Variants in ERCC6L observed in about 807,000 individuals in gnomAD.
ERCC6L encodes ERCC excision repair 6 like, spindle assembly checkpoint helicase.
ERCC6L carries 7 observed loss-of-function variants against 20.1 expected under a neutral mutation model. The ratio of observed to expected loss-of-function variants is 0.35; its 90% CI spans 0.20 to 0.65. The LOEUF (loss-of-function observed/expected upper bound fraction) is 0.65. Ranked by LOEUF, ERCC6L falls within the 30% of genes least tolerant of loss-of-function variation. The probability of loss-of-function intolerance (pLI) is 0.69; values close to 1 mark genes in which losing one functional copy is unlikely to be tolerated. For missense variants in ERCC6L, 592 were observed against 892.4 expected (o/e 0.66, Z 4.29); for synonymous variants, 278 against 331.3 (o/e 0.84, Z 1.75).
At chrX:72,219,671 A>C (rs1036569266) in intron 1 of ERCC6L, among the ~76,000 whole-genome samples, 3 of 108,561 alleles carry the variant, frequency 2.8e-5, no homozygotes, top group Non-Finnish European at 3.8e-5. Context: ...AACATGAAGA[A>C]GCCCCGCCTC....
Position 72,238,887 on chromosome X carries a change from C to T in ERCC6L, c.25G>A (p.Glu9Lys), listed in dbSNP as rs2043033143. The T allele has an allele frequency of 8.4e-7, 1 of 1,197,069 alleles. No homozygotes were observed. The highest frequency in any genetic ancestry group is 1.1e-6 in the Non-Finnish European group (1 of 887,964). ...TGCTCTGGGCTCAAGGCCTCGGCTT[C>T]CGGAAACCTTCGGGATGCCTCCATG... is the stretch of plus-strand genomic sequence containing the variant. MEASRRFP[E>K]AEALSPEQAA... is the part of the protein sequence containing the mutation. The change falls in exon 1 of 2, where the codon GAA becomes AAA. Residue 9 changes from glutamate (E) to lysine (K), a missense_variant. Coordinates refer to ENST00000334463, the MANE Select transcript of ERCC6L (RefSeq NM_017669.4).
chrX:72,232,771 T>C (rs1373331598), intron 1 of ERCC6L, among the ~76,000 whole-genome samples: 1 of 111,528 alleles, frequency 9.0e-6, no homozygotes, highest in African/African-American at 3.3e-5. Context: ...GATCGCGTCA[T>C]TGTACTCCAG....
intron 1 of ERCC6L, among the ~76,000 whole-genome samples, chrX:72,222,513 C>T (rs185339099): frequency 1.0e-4 from 11 of 110,320 alleles, no homozygotes; most frequent in East Asian, 2.8e-4. Flanking sequence ...TGTCTCCTCA[C>T]GGGCATGAAC....
At chrX:72,235,506 C>T (rs1287346888) in intron 1 of ERCC6L, among the ~76,000 whole-genome samples, 3 of 109,354 alleles carry the variant, frequency 2.7e-5, no homozygotes, top group Non-Finnish European at 5.7e-5. Flanking sequence ...AGCAATTCTC[C>T]TGCCTCAGCC....
intron 1 of ERCC6L, among the ~76,000 whole-genome samples, chrX:72,212,889 G>A (rs1253743491): frequency 9.0e-6 from 1 of 111,612 alleles, no homozygotes; most frequent in Non-Finnish European, 1.9e-5. Flanking sequence ...GTTGCATTGA[G>A]CTATGATCGT....
At chrX:72,229,851 A>G (rs1283124623) in intron 1 of ERCC6L, among the ~76,000 whole-genome samples, 1 of 111,864 alleles carries the variant, frequency 8.9e-6, no homozygotes, top group African/African-American at 3.3e-5. Context: ...GGCTGTTTCA[A>G]CAGAACTACA....
At chrX:72,219,984 G>A (rs1021457746) in intron 1 of ERCC6L, among the ~76,000 whole-genome samples, 2 of 111,558 alleles carry the variant, frequency 1.8e-5, no homozygotes, top group Non-Finnish European at 3.8e-5. Context: ...TAAGTACAAT[G>A]TTAGCTATGG....
At chrX:72,227,916 C>A (rs529376991) in intron 1 of ERCC6L, among the ~76,000 whole-genome samples, 26 of 112,944 alleles carry the variant, frequency 2.3e-4, no homozygotes, top group Admixed American at 4.7e-4. Context: ...TTAGCTCCTA[C>A]AATTTAGCCT....
intron 1 of ERCC6L, among the ~76,000 whole-genome samples, chrX:72,234,974 T>G (rs904251653): frequency 1.8e-5 from 2 of 111,881 alleles, no homozygotes; most frequent in African/African-American, 6.5e-5. Flanking sequence ...GACATCGATA[T>G]TGATGGATTT....
intron 1 of ERCC6L, among the ~76,000 whole-genome samples, chrX:72,221,979 C>T (rs1432845047): frequency 9.1e-6 from 1 of 109,670 alleles, no homozygotes; most frequent in Non-Finnish European, 1.9e-5. Context: ...CCTTCGTATT[C>T]CCATCCCCCT....
rs2042832073 is a variant in ERCC6L, at chrX:72,208,227, G to T, written c.540C>A (p.Ser180Arg). The stretch of plus-strand genomic sequence containing the variant: ...TGAGGTTTCTGGTCCGTTCATCCTT[G>T]CTAGGACCATGAAAGGTTTTGACTC... ...GMRVKTFHGP[S>R]KDERTRNLNR... Residue 180 changes from serine to arginine, a missense_variant, in exon 2 of 2, where the codon AGC becomes AGA. Coordinates refer to ENST00000334463, the MANE Select transcript of ERCC6L (RefSeq NM_017669.4). The T allele has an allele frequency of 8.3e-7, 1 of 1,209,792 alleles. No individual in the cohort carries two copies. Among genetic ancestry groups the T allele is most frequent in the African/African-American group, 1.7e-5 (1 of 57,154 alleles).
Position 72,205,522 on chromosome X carries a change from C to T in ERCC6L, c.3245G>A (p.Ser1082Asn). Residue 1082 changes from serine (S) to asparagine (N), a missense_variant, in exon 2 of 2, where the codon AGT (serine) becomes AAT (asparagine). Physicochemically the swap from Ser to Asn is conservative, Grantham distance 46 (BLOSUM62 1). This residue lies in a region of ERCC6L where 352 missense variants were observed against 402.6 expected (regional missense o/e 0.87). Transcript: ENST00000334463. Reference protein sequence around the residue: ...GRFFSSQIPSSVNKSMNSRRS... With the variant: ...GRFFSSQIPSNVNKSMNSRRS... ...TCTAGAGTTCATAGACTTATTTACACTACTGGGTATTTGAGATGAAAAGAA... is the reference window on the plus strand; with the variant it reads ...TCTAGAGTTCATAGACTTATTTACATTACTGGGTATTTGAGATGAAAAGAA... The T allele has an allele frequency of 1.7e-6, 2 of 1,211,609 alleles. No homozygotes were observed. Among genetic ancestry groups the T allele is most frequent in the Non-Finnish European group, 2.2e-6 (2 of 895,425 alleles).
At position 72,205,592 on chromosome X, in the gene ERCC6L, A is replaced by C; in HGVS notation, c.3175T>G (p.Phe1059Val). The C allele has an allele frequency of 1.7e-6, 2 of 1,211,319 alleles. No homozygotes were observed. The highest frequency in any genetic ancestry group is 2.2e-6 in the Non-Finnish European group (2 of 895,019). The part of the protein sequence containing the change: ...SLFQFSSVKQ[F>V]DASTPKNDIS... The stretch of plus-strand genomic sequence containing the variant: ...TCATTTTTGGGAGTTGAAGCATCAA[A>C]TTGTTTCACAGATGAGAATTGAAAG... Residue 1059 changes from phenylalanine (F) to valine (V), a missense_variant, in exon 2 of 2, where the codon TTT becomes GTT. Physicochemically the swap from Phe to Val is conservative, Grantham distance 50 (BLOSUM62 -1). Around this residue, in one of 3 missense-constraint regions of ERCC6L, gnomAD observed 352 missense variants for 402.6 expected, o/e 0.87. Transcript: ENST00000334463.
intron 1 of ERCC6L, among the ~76,000 whole-genome samples, chrX:72,227,129 T>C (rs752031163): frequency 8.9e-6 from 1 of 112,055 alleles, no homozygotes; most frequent in Admixed American, 9.5e-5. Context: ...TTTCTTCCAG[T>C]TCTCATCAAT....
At chrX:72,221,962 T>C (rs1467873596) in intron 1 of ERCC6L, among the ~76,000 whole-genome samples, 1 of 109,790 alleles carries the variant, frequency 9.1e-6, no homozygotes, top group Non-Finnish European at 1.9e-5. Flanking sequence ...ACCCTGCAGA[T>C]GAACCCCCTT....
Position 72,208,622 on chromosome X carries a change from C to G in ERCC6L, c.145G>C (p.Asp49His). The change falls in exon 2 of 2, where the codon GAC becomes CAC. Residue 49 changes from aspartate (D) to histidine (H), a missense_variant. By Grantham distance (81) the Asp-to-His change is moderately conservative. Around this residue, in one of 3 missense-constraint regions of ERCC6L, gnomAD observed 44 missense variants for 49.8 expected, o/e 0.88. Transcript: ENST00000334463. ...EAFKLFNLAK[D>H]IFPNEKVLSR... Reference sequence around the variant, plus strand: ...AGCACTTTTTCATTGGGAAAAATGTCCTTTGCCAAATTGAAAAGTTTAAAT... The same window carrying G: ...AGCACTTTTTCATTGGGAAAAATGTGCTTTGCCAAATTGAAAAGTTTAAAT... 8.3e-7 allele frequency: 1 copy of G among 1,211,218 alleles called. No homozygotes were observed. The highest frequency in any genetic ancestry group is 1.1e-6 in the Non-Finnish European group (1 of 895,330).
chrX:72,218,399 C>T lies in ERCC6L; in HGVS notation c.69-9701G>A, dbSNP rs1051751882. Among the ~76,000 whole-genome samples the T allele has an allele frequency of 1.6e-4, 18 of 111,021 alleles. No individual in the cohort carries two copies. In the East Asian group the frequency reaches 1.7e-3, roughly 10 times the overall value. ...CTGGGATTACAGATGTGAGGCACCA[C>T]GGTCGGCTAAACTACTCTTTTTCAA... On this transcript the variant is annotated intron_variant, in intron 1 of 1. Coordinates refer to ENST00000334463, the MANE Select transcript of ERCC6L (RefSeq NM_017669.4).
In ERCC6L at chrX:72,238,948, TTTGGAGCTTGGAGC is replaced by T. The variant is rs749542997; in HGVS notation, c.-51_-38del. 3.1e-4 allele frequency: 341 copies of T among 1,113,289 alleles called. No individual in the cohort carries two copies. Among genetic ancestry groups the T allele is most frequent in the Middle Eastern group, 9.5e-4 (4 of 4,192 alleles). 91.7% of individuals were successfully genotyped at this position (1,113,289 alleles called of 1,213,427 possible). A position where few individuals can be genotyped will look rare whatever the true frequency, so the allele number is the denominator to read the frequency against. On this transcript the variant is annotated 5_prime_UTR_variant, in exon 1 of 2. An upstream open reading frame in the 5' UTR gains an earlier in-frame stop. Transcript: ENST00000334463. ...TGGGTTCCAGTTACCCCGGCGGGAGTTTGGAGCTTGGAGCTTGGAGCTTGGAGCTTGGAGCTTAG... is the reference window on the plus strand; with the variant it reads ...TGGGTTCCAGTTACCCCGGCGGGAGTTTGGAGCTTGGAGCTTGGAGCTTAG...
chrX:72,238,635 A>C (rs2043031016), intron 1 of ERCC6L, among the ~76,000 whole-genome samples: 1 of 112,729 alleles, frequency 8.9e-6, no homozygotes, highest in African/African-American at 3.2e-5. Flanking sequence ...CATTTGCCCA[A>C]AAGAAGAGGC....
Sources: allele counts gnomAD v4.1 joint callset (sites outside exome capture counted in the v4.1 genomes callset), GRCh38; gene constraint gnomAD v4.1.1; regional missense constraint gnomAD v4.1.1; transcripts MANE v1.5; gene names NCBI Gene and HGNC (gene_info 2026-07-23, HGNC 2026-07-21).